Variants in TNIK observed in about 807,000 individuals in gnomAD.
The protein encoded by TNIK is TRAF2 and NCK-interacting protein kinase.
TNIK carries 49 observed loss-of-function variants against 191.3 expected under a neutral mutation model. The ratio of observed to expected loss-of-function variants is 0.26; its 90% CI spans 0.20 to 0.32. The LOEUF (loss-of-function observed/expected upper bound fraction) is 0.32, where lower values mean the gene tolerates loss of function less well. Among genes scored for constraint, TNIK ranks in the 10% least tolerant of loss-of-function variants. The pLI, the probability that TNIK is intolerant of heterozygous loss-of-function variation, is 1.00. For synonymous variants in TNIK, 594 were observed against 600.9 expected, an observed-to-expected ratio of 0.99 and a Z score of 0.17; for missense variants, 1,155 against 1,702.3, an observed-to-expected ratio of 0.68 and a Z score of 5.66.
rs13080580 is a variant in TNIK, at chr3:171,420,764, C to T, written c.57+39243G>A. Among the ~76,000 whole-genome samples, 8 of 151,876 alleles carry T rather than the reference C, an allele frequency of 5.3e-5. 1 individual carries two copies. The South Asian group carries it at 8.3e-4, about 16-fold the overall frequency. On this transcript the variant is annotated intron_variant, in intron 1 of 32. Coordinates refer to ENST00000436636, the MANE Select transcript of TNIK (RefSeq NM_015028.4). ...TTAAATAAAATAAGGGTTACTCGAA[C>T]GCAAGCACTGCAAGACTGCAACAGT...
chr3:171,389,667 T>G (rs996718686), intron 1 of TNIK, among the ~76,000 whole-genome samples: 1 of 152,178 alleles, frequency 6.6e-6, no homozygotes, highest in Non-Finnish European at 1.5e-5. Flanking sequence ...CACAGGAGAT[T>G]CTTTTAGGAA....
Position 171,228,180 on chromosome 3 carries a change from A to G in TNIK, c.165T>C (p.Val55=). 6.2e-7 allele frequency: 1 copy of G among 1,613,694 alleles called. No individual in the cohort carries two copies. The highest frequency in any genetic ancestry group is 8.5e-7 in the Non-Finnish European group (1 of 1,179,662). ...AGACACTTACCCCTGTGACATCCAT[A>G]ACCTTGATGGCTGCAAGCTGGCCCG... ...VKTGQLAAIK[V]MDVTGDEEEE... Residue 55 remains valine (V), a synonymous_variant, in exon 3 of 33, where the codon GTT becomes GTC. Transcript: ENST00000436636.
At chr3:171,154,009 A>G (rs1268865477) in intron 12 of TNIK, among the ~76,000 whole-genome samples, 1 of 152,220 alleles carries the variant, frequency 6.6e-6, no homozygotes, top group Non-Finnish European at 1.5e-5. Context: ...CCCACACAAC[A>G]GAGGTGTTCA....
chr3:171,130,636 T>C (rs1384940856), intron 15 of TNIK, among the ~76,000 whole-genome samples: 1 of 152,180 alleles, frequency 6.6e-6, no homozygotes, highest in African/African-American at 2.4e-5. Flanking sequence ...ATGCAATATA[T>C]CACTTTTCCA....
At chr3:171,303,292 T>C (rs914654173) in intron 2 of TNIK, among the ~76,000 whole-genome samples, 3 of 152,224 alleles carry the variant, frequency 2.0e-5, no homozygotes, top group African/African-American at 7.2e-5. Context: ...AATCTGAATA[T>C]TCATTTCCAT....
chr3:171,391,543 G>C (rs990082855), intron 1 of TNIK, among the ~76,000 whole-genome samples: 1 of 152,138 alleles, frequency 6.6e-6, no homozygotes, highest in Non-Finnish European at 1.5e-5. Context: ...TCTTTCATTA[G>C]TTTTCCCCAT....
chr3:171,250,787 C>G (rs1746136041), intron 2 of TNIK, among the ~76,000 whole-genome samples: 1 of 152,166 alleles, frequency 6.6e-6, no homozygotes, highest in Non-Finnish European at 1.5e-5. Flanking sequence ...TTTTGTAAAC[C>G]ATATAGTGCT....
intron 2 of TNIK, among the ~76,000 whole-genome samples, chr3:171,258,223 T>C (rs986956024): frequency 6.6e-6 from 1 of 152,214 alleles, no homozygotes; most frequent in African/African-American, 2.4e-5. Flanking sequence ...AAATGATTTT[T>C]AAAAACCTTT....
chr3:171,393,053 T>A (rs1159548314), intron 1 of TNIK, among the ~76,000 whole-genome samples: 1 of 152,208 alleles, frequency 6.6e-6, no homozygotes, highest in Non-Finnish European at 1.5e-5. Context: ...TTTTTCAGTA[T>A]GTCTAAGAGC....
In TNIK at chr3:171,385,496, A is replaced by G. The variant is rs573727349; in HGVS notation, c.58-15811T>C. Among the ~76,000 whole-genome samples the G allele has an allele frequency of 3.3e-5, 5 of 152,278 alleles. No individual in the cohort carries two copies. In the East Asian group the frequency reaches 9.7e-4, roughly 29 times the overall value. On this transcript the variant is annotated intron_variant, in intron 1 of 32. Transcript: ENST00000436636. The stretch of plus-strand genomic sequence containing the variant: ...GAAAGGAGAAAGGATGGAGTTTGGG[A>G]TCTCTGCTCTAACAAGTCAGACAAG...
rs113457755 is a variant in TNIK, at chr3:171,360,048, G to T, written c.123+9572C>A. Among the ~76,000 whole-genome samples the T allele has an allele frequency of 9.3e-3, 1,410 of 152,312 alleles. 20 individuals are homozygous for T. Among genetic ancestry groups the T allele is most frequent in the African/African-American group, 0.032 (1,314 of 41,562 alleles). ...TCATTGATACAATATGAGGTGGAAT[G>T]AAAGTATTTTGGACTAAAGCATTCT... On this transcript the variant is annotated intron_variant, in intron 2 of 32. Coordinates refer to ENST00000436636, the MANE Select transcript of TNIK (RefSeq NM_015028.4).
intron 11 of TNIK, 87 bp downstream of exon 11, chr3:171,161,183 C>G: frequency 1.4e-6 from 2 of 1,414,282 alleles, no homozygotes; most frequent in Non-Finnish European, 1.9e-6. Flanking sequence ...TTCTTAAAAA[C>G]GAACCTATAA....
At chr3:171,146,556 A>T (rs1213154645) in intron 12 of TNIK, among the ~76,000 whole-genome samples, 1 of 152,158 alleles carries the variant, frequency 6.6e-6, no homozygotes, top group South Asian at 2.1e-4. Flanking sequence ...CTGGTCCTGC[A>T]CTGCCACCAA....
chr3:171,211,833 T>C (rs1366065147), intron 3 of TNIK, among the ~76,000 whole-genome samples: 5 of 152,064 alleles, frequency 3.3e-5, no homozygotes, highest in Admixed American at 3.3e-4. Context: ...AAGGGGGAAA[T>C]GTGGTGGTAC....
At chr3:171,176,163 G>C (rs534906434) in intron 8 of TNIK, among the ~76,000 whole-genome samples, 2 of 152,254 alleles carry the variant, frequency 1.3e-5, no homozygotes, top group African/African-American at 4.8e-5. Flanking sequence ...TTTTAGCCCT[G>C]TCTACCACTC....
chr3:171,306,013 C>T (rs1753408523), intron 2 of TNIK, among the ~76,000 whole-genome samples: 1 of 152,096 alleles, frequency 6.6e-6, no homozygotes, highest in Admixed American at 6.6e-5. Context: ...TACATATATA[C>T]CATGGAATAC....
intron 2 of TNIK, among the ~76,000 whole-genome samples, chr3:171,321,755 T>C (rs1355171894): frequency 6.6e-6 from 1 of 152,180 alleles, no homozygotes; most frequent in African/African-American, 2.4e-5. Flanking sequence ...AGTAGCGAGA[T>C]ATGAAATAAC....
intron 2 of TNIK, among the ~76,000 whole-genome samples, chr3:171,244,125 T>A (rs966247723): frequency 6.7e-6 from 1 of 148,330 alleles, no homozygotes; most frequent in Admixed American, 6.9e-5. Flanking sequence ...AATGCAGGCG[T>A]GCGATCTCGG....
At chr3:171,411,035 T>C (rs1722339430) in intron 1 of TNIK, among the ~76,000 whole-genome samples, 1 of 151,642 alleles carries the variant, frequency 6.6e-6, no homozygotes, top group Admixed American at 6.6e-5. Context: ...TGTGCACATG[T>C]AGATGTCCAC....
Sources: gnomAD v4.1 joint callset for allele counts (sites outside exome capture counted in the v4.1 genomes callset) on GRCh38, gnomAD v4.1.1 for gene constraint, MANE v1.5 for transcripts, NCBI Gene and HGNC (gene_info 2026-07-23, HGNC 2026-07-21) for gene names.